Variants in EYS observed in about 807,000 individuals in gnomAD.
The protein encoded by EYS is protein eyes shut homolog.
EYS carries 250 observed loss-of-function variants against 282.1 expected under a neutral mutation model. The ratio of observed to expected loss-of-function variants is 0.89; its 90% CI spans 0.80 to 0.98. The LOEUF is 0.98. EYS is among the 50% of genes least tolerant of loss of function. EYS has a pLI of 0.00. For missense variants in EYS, 4,016 were observed against 3,709.0 expected (o/e 1.08, Z -2.15); for synonymous variants, 1,355 against 1,282.9 (o/e 1.06, Z -1.20).
chr6:63,798,987 G>GTATATATATATATATATATGTA (rs1770713600), intron 37 of EYS, among the ~76,000 whole-genome samples: 4 of 85,792 alleles, frequency 4.7e-5, no homozygotes, highest in African/African-American at 2.1e-4. Context: ...GTATATGTGT[G>GTATATATATATATATATATGTA]TATATATATA....
intron 35 of EYS, among the ~76,000 whole-genome samples, chr6:63,938,719 T>C (rs1469554511): frequency 6.6e-6 from 1 of 152,180 alleles, no homozygotes; most frequent in Middle Eastern, 3.2e-3. Context: ...ATCTATTTCA[T>C]CCAAAATCAT....
chr6:64,136,116 A>G (rs1199754836), intron 31 of EYS, among the ~76,000 whole-genome samples: 1 of 150,710 alleles, frequency 6.6e-6, no homozygotes, highest in African/African-American at 2.5e-5. Context: ...TGTTCCCAGC[A>G]TCTTCACCAG....
chr6:64,794,199 G>A (rs1774279852), intron 22 of EYS, among the ~76,000 whole-genome samples: 1 of 152,146 alleles, frequency 6.6e-6, no homozygotes, highest in Non-Finnish European at 1.5e-5. Flanking sequence ...TTTATGCAAA[G>A]GAATTGAAAT....
chr6:64,917,514 A>C (rs550577850), intron 15 of EYS, among the ~76,000 whole-genome samples: 1 of 152,312 alleles, frequency 6.6e-6, no homozygotes, highest in South Asian at 2.1e-4. Flanking sequence ...TTCTCTTAGA[A>C]GCAAACAGTA....
intron 19 of EYS, among the ~76,000 whole-genome samples, chr6:64,872,552 A>C (rs1406013070): frequency 1.3e-5 from 2 of 152,010 alleles, no homozygotes; most frequent in Non-Finnish European, 2.9e-5. Context: ...GAAGAAGGAG[A>C]CCATCTCTTA....
intron 31 of EYS, among the ~76,000 whole-genome samples, chr6:64,098,412 A>G (rs993761639): frequency 1.3e-5 from 2 of 152,124 alleles, no homozygotes; most frequent in African/African-American, 2.4e-5. Context: ...AAGCTGCAAA[A>G]CAATACTGCA....
intron 26 of EYS, among the ~76,000 whole-genome samples, chr6:64,583,533 C>T (rs1022800907): frequency 1.1e-4 from 17 of 152,078 alleles, no homozygotes; most frequent in East Asian, 1.9e-4. Flanking sequence ...CAGTAGCTCA[C>T]GCCTGTTATC....
At chr6:63,828,588 A>G (rs1298568354) in intron 36 of EYS, among the ~76,000 whole-genome samples, 1 of 152,180 alleles carries the variant, frequency 6.6e-6, no homozygotes, top group Non-Finnish European at 1.5e-5. Flanking sequence ...CTGACAAAGG[A>G]CTCATATCCA....
chr6:65,358,203 T>G (rs1485735227), intron 8 of EYS, among the ~76,000 whole-genome samples: 3 of 152,024 alleles, frequency 2.0e-5, no homozygotes, highest in Non-Finnish European at 4.4e-5. Flanking sequence ...TAATCCCATT[T>G]TAAATACTAT....
intron 33 of EYS, among the ~76,000 whole-genome samples, chr6:64,025,916 G>A (rs551569157): frequency 3.8e-4 from 58 of 152,256 alleles, no homozygotes; most frequent in African/African-American, 1.4e-3. Flanking sequence ...ACAGGTTTTC[G>A]AGAATGCATC....
intron 22 of EYS, among the ~76,000 whole-genome samples, chr6:64,763,503 C>A (rs1337529874): frequency 6.6e-6 from 1 of 152,086 alleles, no homozygotes; most frequent in African/African-American, 2.4e-5. Flanking sequence ...CAATCACCTC[C>A]CACCAAGTCC....
chr6:65,578,535 G>T (rs1448311049), intron 2 of EYS, among the ~76,000 whole-genome samples: 1 of 151,596 alleles, frequency 6.6e-6, no homozygotes, highest in Non-Finnish European at 1.5e-5. Flanking sequence ...ACATCATGGT[G>T]ACCACAGTAA....
At chr6:63,843,818 G>T (rs1772027689) in intron 36 of EYS, among the ~76,000 whole-genome samples, 1 of 152,172 alleles carries the variant, frequency 6.6e-6, no homozygotes, top group South Asian at 2.1e-4. Context: ...ATCTCTGTTT[G>T]CAGACGACAT....
chr6:63,887,732 G>A (rs570336848), intron 35 of EYS, among the ~76,000 whole-genome samples: 11 of 151,698 alleles, frequency 7.3e-5, no homozygotes, highest in African/African-American at 1.2e-4. Context: ...CTGGGCAGCC[G>A]TTTGGGCAGC....
chr6:64,403,921 T>A (rs2150438087), intron 28 of EYS, among the ~76,000 whole-genome samples: 1 of 152,264 alleles, frequency 6.6e-6, no homozygotes, highest in African/African-American at 2.4e-5. Context: ...AAAATCCAGT[T>A]TTTTGTTCGT....
intron 2 of EYS, among the ~76,000 whole-genome samples, chr6:65,535,228 C>T (rs1343588521): frequency 2.0e-5 from 3 of 152,056 alleles, no homozygotes; most frequent in African/African-American, 7.2e-5. Context: ...GGTCAGTGGC[C>T]TTGGGACCCA....
At chr6:64,910,898 T>C (rs1767970089) in intron 16 of EYS, among the ~76,000 whole-genome samples, 1 of 152,060 alleles carries the variant, frequency 6.6e-6, no homozygotes, top group African/African-American at 2.4e-5. Flanking sequence ...TGCAGAAAAT[T>C]ATCTCTGGTG....
chr6:64,414,056 A>G (rs1773990023), intron 28 of EYS, among the ~76,000 whole-genome samples: 1 of 152,148 alleles, frequency 6.6e-6, no homozygotes, highest in Non-Finnish European at 1.5e-5. Context: ...AGCCTTCAGA[A>G]CTGTGACAAT....
intron 24 of EYS, among the ~76,000 whole-genome samples, chr6:64,593,935 T>C (rs967410575): frequency 9.2e-5 from 14 of 152,182 alleles, no homozygotes; most frequent in African/African-American, 3.4e-4. Context: ...TTTATAAATG[T>C]AGAGTTAAAA....
Sources: gnomAD v4.1 joint callset for allele counts (sites outside exome capture counted in the v4.1 genomes callset) on GRCh38, gnomAD v4.1.1 for gene constraint, MANE v1.5 for transcripts, NCBI Gene and HGNC (gene_info 2026-07-23, HGNC 2026-07-21) for gene names.